The following LHFPL6 variants were observed in gnomAD, a reference collection of about 807,000 sequenced individuals.
The protein encoded by LHFPL6 is LHFPL tetraspan subfamily member 6.
LHFPL6 carries 9 observed loss-of-function variants against 20.6 expected under a neutral mutation model. The ratio of observed to expected loss-of-function variants is 0.44; its 90% CI spans 0.26 to 0.76. The LOEUF (loss-of-function observed/expected upper bound fraction) is 0.76, where lower values mean the gene tolerates loss of function less well. LHFPL6 is among the 30% of genes least tolerant of loss of function. LHFPL6 has a pLI of 0.20. For missense variants in LHFPL6, 218 were observed against 253.5 expected, an observed-to-expected ratio of 0.86 and a Z score of 0.95; for synonymous variants, 105 against 98.7, an observed-to-expected ratio of 1.06 and a Z score of -0.38.
intron 2 of LHFPL6, among the ~76,000 whole-genome samples, chr13:39,508,005 G>A (rs1229817939): frequency 8.1e-6 from 1 of 123,436 alleles, no homozygotes; most frequent in Non-Finnish European, 1.7e-5. Context: ...CTTTTTAATA[G>A]TGTTATTAAG....
At chr13:39,536,638 T>C (rs1289531497) in intron 2 of LHFPL6, among the ~76,000 whole-genome samples, 2 of 152,188 alleles carry the variant, frequency 1.3e-5, no homozygotes, top group Non-Finnish European at 2.9e-5. Flanking sequence ...CAGACTATTG[T>C]CCAGTCCAGC....
intron 3 of LHFPL6, among the ~76,000 whole-genome samples, chr13:39,357,186 T>TAAAAC (rs1226469200): frequency 1.3e-5 from 2 of 151,422 alleles, no homozygotes; most frequent in South Asian, 2.1e-4. Context: ...AAAAAATAAA[T>TAAAAC]AAAACAAAAC....
chr13:39,459,369 TTCTC>T (rs779849538), intron 2 of LHFPL6, among the ~76,000 whole-genome samples: 6 of 152,168 alleles, frequency 3.9e-5, no homozygotes, highest in Admixed American at 2.6e-4. Context: ...GGTTTTTCCT[TTCTC>T]TCTCCTTCCC....
chr13:39,562,480 A>ATG (rs1361182085), intron 2 of LHFPL6, among the ~76,000 whole-genome samples: 1 of 130,024 alleles, frequency 7.7e-6, no homozygotes, highest in East Asian at 2.4e-4. Context: ...ATACACATAT[A>ATG]CATATATACA....
rs78207826 is a variant in LHFPL6, at chr13:39,345,964, C to A, written c.485-1910G>T. ...GTCAGCCTCTTTCCTCACCTCTTTTCTCAGCCTCTCACCCTGTGGGGTGGG... is the reference window on the plus strand; with the variant it reads ...GTCAGCCTCTTTCCTCACCTCTTTTATCAGCCTCTCACCCTGTGGGGTGGG... On this transcript the variant is annotated intron_variant, in intron 3 of 3. Transcript: ENST00000379589. Among the ~76,000 whole-genome samples, 31 of 152,328 alleles carry A rather than the reference C, an allele frequency of 2.0e-4. No homozygotes were observed. In the East Asian group the frequency reaches 6.0e-3, roughly 29 times the overall value.
At chr13:39,344,286 T>G (rs1348672789) in intron 3 of LHFPL6, among the ~76,000 whole-genome samples, 5 of 152,096 alleles carry the variant, frequency 3.3e-5, no homozygotes, top group Non-Finnish European at 7.4e-5. Flanking sequence ...CTAAGAGAAG[T>G]CTAGTCTCCT....
At chr13:39,491,288 C>A (rs1286871801) in intron 2 of LHFPL6, among the ~76,000 whole-genome samples, 1 of 152,042 alleles carries the variant, frequency 6.6e-6, no homozygotes, top group African/African-American at 2.4e-5. Context: ...CTAGTCTGGG[C>A]CATGAGGGAA....
At chr13:39,559,680 AC>A (rs1204099810) in intron 2 of LHFPL6, among the ~76,000 whole-genome samples, 1 of 152,188 alleles carries the variant, frequency 6.6e-6, no homozygotes, top group African/African-American at 2.4e-5. Flanking sequence ...ATCTAGAAGA[AC>A]GGGTGAAAAG....
intron 2 of LHFPL6, among the ~76,000 whole-genome samples, chr13:39,396,147 C>T (rs1175851262): frequency 6.6e-6 from 1 of 151,884 alleles, no homozygotes; most frequent in South Asian, 2.1e-4. Flanking sequence ...AGAACATGTG[C>T]CCAGGTGGGA....
At chr13:39,522,429 C>CA (rs150078746) in intron 2 of LHFPL6, among the ~76,000 whole-genome samples, 18,818 of 152,182 alleles carry the variant, frequency 0.12, 1,340 homozygotes, top group Admixed American at 0.2. Flanking sequence ...GTTTTAAACC[C>CA]AACTCTCCAA....
At chr13:39,598,934 AAAG>A (rs1430525778) in intron 2 of LHFPL6, among the ~76,000 whole-genome samples, 5 of 152,198 alleles carry the variant, frequency 3.3e-5, no homozygotes, top group Admixed American at 6.5e-5. Context: ...AAGTACTCAC[AAAG>A]AAAAAAACAT....
intron 2 of LHFPL6, among the ~76,000 whole-genome samples, chr13:39,473,671 C>T (rs1217164378): frequency 6.6e-6 from 1 of 152,180 alleles, no homozygotes; most frequent in African/African-American, 2.4e-5. Flanking sequence ...TACAGAAGTC[C>T]TACCTGAGTC....
intron 2 of LHFPL6, among the ~76,000 whole-genome samples, chr13:39,480,889 T>C (rs1868487575): frequency 6.6e-6 from 1 of 152,146 alleles, no homozygotes; most frequent in South Asian, 2.1e-4. Flanking sequence ...ATTGAAAAAC[T>C]GGAGTTAACT....
chr13:39,556,009 C>T (rs1352512007), intron 2 of LHFPL6, among the ~76,000 whole-genome samples: 1 of 152,148 alleles, frequency 6.6e-6, no homozygotes, highest in Non-Finnish European at 1.5e-5. Context: ...TTCACTCTCT[C>T]ACTCCCACTC....
chr13:39,493,578 C>A (rs1214462249), intron 2 of LHFPL6, among the ~76,000 whole-genome samples: 1 of 152,030 alleles, frequency 6.6e-6, no homozygotes, highest in African/African-American at 2.4e-5. Context: ...AAGACAAAAC[C>A]AAAACCTGTT....
intron 2 of LHFPL6, among the ~76,000 whole-genome samples, chr13:39,476,951 C>T (rs901631554): frequency 6.6e-5 from 10 of 152,116 alleles, no homozygotes; most frequent in East Asian, 1.9e-4. Flanking sequence ...TTACATAAAG[C>T]GAATGTTTGA....
chr13:39,348,186 A>G (rs1379780849), intron 3 of LHFPL6, among the ~76,000 whole-genome samples: 1 of 152,208 alleles, frequency 6.6e-6, no homozygotes, highest in African/African-American at 2.4e-5. Flanking sequence ...CAGGGGAGCT[A>G]CAGCCGATGC....
chr13:39,598,644 C>T (rs867216855), intron 2 of LHFPL6, among the ~76,000 whole-genome samples: 12 of 152,296 alleles, frequency 7.9e-5, no homozygotes, highest in Middle Eastern at 3.4e-3. Flanking sequence ...CAAGCTCCAC[C>T]TCCTGGGTTC....
chr13:39,361,862 G>C (rs1178370702), intron 3 of LHFPL6, among the ~76,000 whole-genome samples: 1 of 152,118 alleles, frequency 6.6e-6, no homozygotes, highest in African/African-American at 2.4e-5. Flanking sequence ...GTTATTGTTA[G>C]GAATTACTCA....
Sources: gnomAD v4.1 joint callset for allele counts (sites outside exome capture counted in the v4.1 genomes callset) on GRCh38, gnomAD v4.1.1 for gene constraint, MANE v1.5 for transcripts, NCBI Gene and HGNC (gene_info 2026-07-23, HGNC 2026-07-21) for gene names.